The following KCNQ1OT1 variants were observed in gnomAD, a reference collection of about 807,000 sequenced individuals.
The protein encoded by KCNQ1OT1 is KCNQ1 opposite strand/antisense transcript 1, also known as KCNQ1 antisense RNA 2 (non-protein coding).
exon 1 of KCNQ1OT1, chr11:2,681,264 G>C (rs1193299464): frequency 2.5e-6 from 1 of 398,508 alleles, no homozygotes; most frequent in Admixed American, 4.4e-5. Flanking sequence ...CCAGGAGAGA[G>C]CTTCACTTTC....
chr11:2,612,919 T>C lies in KCNQ1OT1; in HGVS notation n.87076A>G. The C allele has an allele frequency of 2.5e-6, 1 of 398,638 alleles. No individual in the cohort carries two copies. The highest frequency in any genetic ancestry group is 4.4e-6 in the Non-Finnish European group (1 of 226,052). 24.7% of individuals were successfully genotyped at this position (398,638 alleles called of 1,614,324 possible). A position where few individuals can be genotyped will look rare whatever the true frequency, so the allele number is the denominator to read the frequency against. ...ACTCATTTATTTGTTTGCTCGCTTGTGTATGCCTTCTCTGCATGGATTCTG... is the reference window on the plus strand; with the variant it reads ...ACTCATTTATTTGTTTGCTCGCTTGCGTATGCCTTCTCTGCATGGATTCTG... On this transcript the variant is annotated non_coding_transcript_exon_variant, in exon 1 of 1. Coordinates refer to ENST00000597346, the Ensembl canonical transcript of KCNQ1OT1. This position sits in a 1 kb window ranked among gnomAD's most constrained non-coding sequence, Gnocchi z 5.5.
chr11:2,676,713 C>G lies in KCNQ1OT1; in HGVS notation n.23282G>C, dbSNP rs1377652089. The G allele has an allele frequency of 1.0e-5, 4 of 398,488 alleles. No homozygotes were observed. In the East Asian group the frequency reaches 1.1e-4, roughly 11 times the overall value. 24.7% of individuals were successfully genotyped at this position (398,488 alleles called of 1,614,324 possible). ...GGACTACAGCCTGGCAGGAGATAAC[C>G]AAGTCATATGCATAGTGGCTTTGGG... is the stretch of plus-strand genomic sequence containing the variant. On this transcript the variant is annotated non_coding_transcript_exon_variant, in exon 1 of 1. Coordinates refer to ENST00000597346, the Ensembl canonical transcript of KCNQ1OT1. This position sits in a 1 kb window ranked among gnomAD's most constrained non-coding sequence, Gnocchi z 4.2.
exon 1 of KCNQ1OT1, chr11:2,665,477 G>T (rs1850050468): frequency 7.6e-6 from 3 of 396,190 alleles, no homozygotes; most frequent in Non-Finnish European, 1.3e-5. Flanking sequence ...TGGGGACGGT[G>T]CCATGCCTGT....
rs1205859326 is a variant in KCNQ1OT1, at chr11:2,664,927, G to A, written n.35068C>T. 2.5e-6 allele frequency: 1 copy of A among 398,462 alleles called. No homozygotes were observed. Among genetic ancestry groups the A allele is most frequent in the African/African-American group, 2.1e-5 (1 of 48,600 alleles). 24.7% of individuals were successfully genotyped at this position (398,462 alleles called of 1,614,324 possible). On this transcript the variant is annotated non_coding_transcript_exon_variant, in exon 1 of 1. Coordinates refer to ENST00000597346, the Ensembl canonical transcript of KCNQ1OT1. The surrounding 1 kb of genome is among the most constrained non-coding windows in gnomAD (Gnocchi z 5.1). ...CATCTCGAGCTCTCCCCGCCCGCAG[G>A]GCCCCAGAGAGGTGAGGTCACTATA...
exon 1 of KCNQ1OT1, chr11:2,614,037 C>T (rs980728627): frequency 2.5e-6 from 1 of 398,478 alleles, no homozygotes; most frequent in Non-Finnish European, 4.4e-6. Context: ...CTTAGTGTGA[C>T]TGTGCTATAA....
chr11:2,658,544 A>G lies in KCNQ1OT1; in HGVS notation n.41451T>C. On this transcript the variant is annotated non_coding_transcript_exon_variant, in exon 1 of 1. Transcript: ENST00000597346. The surrounding 1 kb of genome is among the most constrained non-coding windows in gnomAD (Gnocchi z 4.9). ...TTCAGGCTCATCTTTTATTTTCCCT[A>G]CCCTAGCCCTAGAATCATCCATTCA... The G allele has an allele frequency of 2.5e-6, 1 of 394,324 alleles. No homozygotes were observed. Among genetic ancestry groups the G allele is most frequent in the Non-Finnish European group, 4.4e-6 (1 of 225,154 alleles). The allele number at this position is 394,324 out of a possible 1,614,324, so 24.4% of individuals were successfully genotyped here.
exon 1 of KCNQ1OT1, chr11:2,662,658 A>G (rs1244833479): frequency 2.5e-6 from 1 of 406,614 alleles, no homozygotes; most frequent in Non-Finnish European, 4.3e-6. Flanking sequence ...TTCCCCTGCG[A>G]CATGTGACTC....
At chr11:2,637,211 T>A (rs558860775) in exon 1 of KCNQ1OT1, 2 of 152,334 alleles carry the variant, frequency 1.3e-5, no homozygotes, top group Non-Finnish European at 2.9e-5. Flanking sequence ...AGTTATTTCT[T>A]GCCTTCTGCT....
chr11:2,614,806 G>C (rs556543283), exon 1 of KCNQ1OT1: 1 of 398,410 alleles, frequency 2.5e-6, no homozygotes, highest in South Asian at 1.3e-4. Flanking sequence ...CTTTGTAAAA[G>C]TTTTGAAAAT....
At chr11:2,650,923 C>T (rs1269638427) in exon 1 of KCNQ1OT1, 1 of 398,492 alleles carries the variant, frequency 2.5e-6, no homozygotes, top group Non-Finnish European at 4.4e-6. Flanking sequence ...GGCTGAAAGT[C>T]TTTTTTAAAT....
chr11:2,644,821 C>A (rs918770197), exon 1 of KCNQ1OT1: 4 of 398,506 alleles, frequency 1.0e-5, no homozygotes, highest in Non-Finnish European at 1.8e-5. Context: ...GTAAACAGCA[C>A]CAGTAGTGTC....
chr11:2,672,794 C>T (rs1850210293), exon 1 of KCNQ1OT1: 1 of 398,812 alleles, frequency 2.5e-6, no homozygotes, highest in Non-Finnish European at 4.4e-6. Context: ...TCCAACCAGT[C>T]CCCTTCAGAA....
Position 2,623,556 on chromosome 11 carries a change from T to C in KCNQ1OT1, n.76439A>G. 1 of 398,558 alleles carries C rather than the reference T, an allele frequency of 2.5e-6. No homozygotes were observed. The highest frequency in any genetic ancestry group is 4.4e-6 in the Non-Finnish European group (1 of 226,040). The allele number at this position is 398,558 out of a possible 1,614,324, so 24.7% of individuals were successfully genotyped here. ...CTTCAGATTGCCTTATTTCACATAGTAATATGTTTTTTAATTACCTCCATA... is the reference window on the plus strand; with the variant it reads ...CTTCAGATTGCCTTATTTCACATAGCAATATGTTTTTTAATTACCTCCATA... On this transcript the variant is annotated non_coding_transcript_exon_variant, in exon 1 of 1. Coordinates refer to ENST00000597346, the Ensembl canonical transcript of KCNQ1OT1. The surrounding 1 kb of genome is among the most constrained non-coding windows in gnomAD (Gnocchi z 5.2).
Position 2,653,013 on chromosome 11 carries a change from TTCTGCAC to T in KCNQ1OT1, n.46975_46981del, listed in dbSNP as rs1445807729. ...CACTGTCATGCTTGAGGCAAATCTATTCTGCACACCTTTGATCCAATGTGAGATCCAA... is the reference window on the plus strand; with the variant it reads ...CACTGTCATGCTTGAGGCAAATCTATACCTTTGATCCAATGTGAGATCCAA... On this transcript the variant is annotated non_coding_transcript_exon_variant, in exon 1 of 1. Transcript: ENST00000597346. This position sits in a 1 kb window ranked among gnomAD's most constrained non-coding sequence, Gnocchi z 5.3. 1 of 398,566 alleles carries T rather than the reference TTCTGCAC, an allele frequency of 2.5e-6. No homozygotes were observed. The highest frequency in any genetic ancestry group is 2.1e-5 in the African/African-American group (1 of 48,652). 24.7% of individuals were successfully genotyped at this position (398,566 alleles called of 1,614,324 possible).
At chr11:2,619,561 G>A (rs1849128761) in exon 1 of KCNQ1OT1, 1 of 398,470 alleles carries the variant, frequency 2.5e-6, no homozygotes, top group African/African-American at 2.1e-5. Context: ...GTTAAATTTA[G>A]TCTGCCAATA....
chr11:2,692,498 T>C (rs1289079919), exon 1 of KCNQ1OT1: 2 of 398,652 alleles, frequency 5.0e-6, no homozygotes, highest in Non-Finnish European at 8.8e-6. Context: ...GCTTGGCTTC[T>C]TTCCATCCCA....
rs1204224587 is a variant in KCNQ1OT1 at position 2,658,046 on chromosome 11, AAGTATAGCCCACACTC to A, written n.41933_41948del. On this transcript the variant is annotated non_coding_transcript_exon_variant, in exon 1 of 1. Transcript: ENST00000597346. This position sits in a 1 kb window ranked among gnomAD's most constrained non-coding sequence, Gnocchi z 4.9. Reference sequence around the variant, plus strand: ...GCTTAGTCTTTAGAAGCGAGTCACTAAGTATAGCCCACACTCAAGGTGGGGAAGGGAGGGGTTCAAC... The same window carrying A: ...GCTTAGTCTTTAGAAGCGAGTCACTAAAGGTGGGGAAGGGAGGGGTTCAAC... 5.0e-6 allele frequency: 2 copies of A among 398,466 alleles called. No individual in the cohort carries two copies. Among genetic ancestry groups the A allele is most frequent in the African/African-American group, 4.1e-5 (2 of 48,618 alleles). 24.7% of individuals were successfully genotyped at this position (398,466 alleles called of 1,614,324 possible). A position where few individuals can be genotyped will look rare whatever the true frequency, so the allele number is the denominator to read the frequency against.
exon 1 of KCNQ1OT1, chr11:2,666,385 T>G: frequency 2.5e-6 from 1 of 398,678 alleles, no homozygotes; most frequent in Non-Finnish European, 4.4e-6. Context: ...CATGACAGCT[T>G]CGCAAATCCT....
Position 2,661,857 on chromosome 11 carries a change from A to G in KCNQ1OT1, n.38138T>C. The G allele has an allele frequency of 6.9e-7, 1 of 1,457,304 alleles. No individual in the cohort carries two copies. The highest frequency in any genetic ancestry group is 9.6e-7 in the Non-Finnish European group (1 of 1,041,136). 90.3% of individuals were successfully genotyped at this position (1,457,304 alleles called of 1,614,324 possible). The stretch of plus-strand genomic sequence containing the variant: ...TGTCAGGGCTGGAGCTTCCAGGCAC[A>G]AGCTCCACTCCTCACCTGGCCCTGG... On this transcript the variant is annotated non_coding_transcript_exon_variant, in exon 1 of 1. Transcript: ENST00000597346. This position sits in a 1 kb window ranked among gnomAD's most constrained non-coding sequence, Gnocchi z 5.9.
Sources: gnomAD v4.1 joint callset for allele counts on GRCh38, gnomAD v4.1.1 for gene constraint, Gnocchi (gnomAD v3.1) non-coding constraint, MANE v1.5 for transcripts, NCBI Gene and HGNC (gene_info 2026-07-23, HGNC 2026-07-21) for gene names.